PABPC4L: variants seen among roughly 807,000 people sequenced by gnomAD.
PABPC4L encodes the protein polyadenylate-binding protein 4-like.
For synonymous variants in PABPC4L, 169 were observed against 164.1 expected (o/e 1.03, Z -0.23); for missense variants, 452 against 451.4 (o/e 1.00, Z -0.01).
chr4:133,981,725 G>T, the PABPC4L span, among the ~76,000 whole-genome samples: 1 of 151,984 alleles, frequency 6.6e-6, no homozygotes, highest in East Asian at 1.9e-4. Context: ...ACTCAAAAAT[G>T]AACACTAATG....
the PABPC4L span, among the ~76,000 whole-genome samples, chr4:134,073,882 G>T: frequency 1.2e-4 from 19 of 152,280 alleles, no homozygotes; most frequent in Non-Finnish European, 2.6e-4. Context: ...TAGCTGGGAT[G>T]CAGGGCACCA....
At chr4:134,066,817 C>T in the PABPC4L span, among the ~76,000 whole-genome samples, 26 of 151,950 alleles carry the variant, frequency 1.7e-4, no homozygotes, top group African/African-American at 6.0e-4. Context: ...TTTGTTTTAG[C>T]TCTGTTTATG....
the PABPC4L span, among the ~76,000 whole-genome samples, chr4:133,974,316 G>A: frequency 1.3e-5 from 2 of 152,080 alleles, no homozygotes; most frequent in African/African-American, 2.4e-5. Context: ...ACAGAAGAAT[G>A]TTAAACTCCT....
the PABPC4L span, among the ~76,000 whole-genome samples, chr4:134,001,057 T>C: frequency 4.9e-4 from 75 of 152,102 alleles, no homozygotes; most frequent in African/African-American, 1.5e-3. Flanking sequence ...CTGAAGAAAC[T>C]AAGCCATAGA....
the PABPC4L span, among the ~76,000 whole-genome samples, chr4:133,988,573 C>T: frequency 3.3e-5 from 5 of 152,206 alleles, no homozygotes; most frequent in African/African-American, 1.2e-4. Flanking sequence ...CCACAGCTTT[C>T]AGGAGCCCTG....
the PABPC4L span, among the ~76,000 whole-genome samples, chr4:134,128,001 G>C: frequency 6.6e-6 from 1 of 152,094 alleles, no homozygotes; most frequent in Non-Finnish European, 1.5e-5. Context: ...CACACTTAGA[G>C]AAATGCAAAA....
rs920142804 is a variant in PABPC4L, at chr4:134,198,430, G to A, written c.*1477C>T. On this transcript the variant is annotated 3_prime_UTR_variant, in exon 2 of 2. Transcript: ENST00000421491. The stretch of plus-strand genomic sequence containing the variant: ...ACATATAATTTCTATAAAAATAAAA[G>A]GCAACAAATTTTTCTCATTCATAAG... 12 of 151,154 alleles carry A rather than the reference G, an allele frequency of 7.9e-5. No homozygotes were observed. The highest frequency in any genetic ancestry group is 2.9e-4 in the African/African-American group (12 of 41,390). 9.4% of individuals were successfully genotyped at this position (151,154 alleles called of 1,614,324 possible).
At chr4:134,172,304 G>A in the PABPC4L span, among the ~76,000 whole-genome samples, 2 of 151,914 alleles carry the variant, frequency 1.3e-5, no homozygotes, top group South Asian at 4.1e-4. Flanking sequence ...GCATGGTACT[G>A]GTACAAAAAC....
chr4:134,143,208 G>A, the PABPC4L span, among the ~76,000 whole-genome samples: 2 of 150,366 alleles, frequency 1.3e-5, no homozygotes, highest in Non-Finnish European at 3.0e-5. Flanking sequence ...AAATTCTATT[G>A]TATTGATACA....
chr4:134,191,787 A>C (rs920030625), downstream of PABPC4L, among the ~76,000 whole-genome samples: 3 of 151,992 alleles, frequency 2.0e-5, no homozygotes, highest in African/African-American at 4.8e-5. Context: ...AAAATTTTCA[A>C]ATCAATATCC....
At chr4:134,136,395 C>T in the PABPC4L span, among the ~76,000 whole-genome samples, 3 of 152,002 alleles carry the variant, frequency 2.0e-5, no homozygotes, top group Admixed American at 6.6e-5. Context: ...TGTTAGTCTG[C>T]TTTGTTTTGT....
chr4:134,167,986 A>C, the PABPC4L span, among the ~76,000 whole-genome samples: 132 of 152,180 alleles, frequency 8.7e-4, no homozygotes, highest in Non-Finnish European at 1.4e-3. Flanking sequence ...AGCCAACTTC[A>C]CATTCTTCTC....
the PABPC4L span, among the ~76,000 whole-genome samples, chr4:134,010,068 G>A: frequency 1.3e-5 from 2 of 152,014 alleles, no homozygotes; most frequent in East Asian, 1.9e-4. Flanking sequence ...TAATCACTCT[G>A]TATGGGTTTC....
the PABPC4L span, among the ~76,000 whole-genome samples, chr4:134,150,636 T>C: frequency 6.6e-6 from 1 of 152,154 alleles, no homozygotes; most frequent in Non-Finnish European, 1.5e-5. Context: ...CATGCTATAA[T>C]GGCCATGCTA....
the PABPC4L span, among the ~76,000 whole-genome samples, chr4:133,980,806 T>G: frequency 6.6e-6 from 1 of 152,260 alleles, no homozygotes; most frequent in Middle Eastern, 3.4e-3. Context: ...CCTCGAAATA[T>G]CCCTTGATAT....
At chr4:134,106,556 G>A in the PABPC4L span, among the ~76,000 whole-genome samples, 2 of 151,586 alleles carry the variant, frequency 1.3e-5, no homozygotes, top group East Asian at 3.9e-4. Flanking sequence ...TTAACAATTA[G>A]TGAGACAGAA....
At chr4:133,970,331 T>G in the PABPC4L span, among the ~76,000 whole-genome samples, 1 of 151,998 alleles carries the variant, frequency 6.6e-6, no homozygotes, top group Non-Finnish European at 1.5e-5. Flanking sequence ...GGAATTTTCA[T>G]GCTTGGTCTA....
the PABPC4L span, among the ~76,000 whole-genome samples, chr4:134,020,970 G>T: frequency 6.6e-6 from 1 of 151,750 alleles, no homozygotes. Flanking sequence ...TACTTCATTT[G>T]GGCACACAAG....
chr4:134,034,052 G>A, the PABPC4L span, among the ~76,000 whole-genome samples: 2 of 151,948 alleles, frequency 1.3e-5, no homozygotes, highest in Non-Finnish European at 2.9e-5. Context: ...TCAAGGGACA[G>A]ATTAACTCTC....
Sources: gnomAD v4.1 joint callset for allele counts (sites outside exome capture counted in the v4.1 genomes callset) on GRCh38, gnomAD v4.1.1 for gene constraint, MANE v1.5 for transcripts, NCBI Gene and HGNC (gene_info 2026-07-23, HGNC 2026-07-21) for gene names.